The following MKKS variants were observed in gnomAD, a reference collection of about 807,000 sequenced individuals.
MKKS encodes MKKS centrosomal shuttling protein, also known as molecular chaperone MKKS.
A neutral mutation model predicts 33.2 loss-of-function variants in MKKS; 29 were observed. The observed-to-expected ratio is 0.87, with a 90% CI of 0.65 to 1.19. MKKS has a LOEUF of 1.19. MKKS is among the 50% of genes most tolerant of loss of function. The probability of loss-of-function intolerance (pLI) is 0.00; values close to 1 mark genes in which losing one functional copy is unlikely to be tolerated. For missense variants in MKKS, 661 were observed against 662.3 expected (o/e 1.00, Z 0.02); for synonymous variants, 260 against 244.0 (o/e 1.07, Z -0.61).
chr20:10,427,588 T>C (rs553877553), intron 1 of MKKS, among the ~76,000 whole-genome samples: 13 of 152,354 alleles, frequency 8.5e-5, no homozygotes, highest in African/African-American at 3.1e-4. Flanking sequence ...TTTTTTATCC[T>C]CAATTTTTAA....
In MKKS at chr20:10,403,786, T is replaced by G. The variant is rs1051966877; in HGVS notation, c.*1461A>C. 6.6e-6 allele frequency: 1 copy of G among 152,228 alleles called. No homozygotes were observed. The highest frequency in any genetic ancestry group is 2.4e-5 in the African/African-American group (1 of 41,460). 9.4% of individuals were successfully genotyped at this position (152,228 alleles called of 1,614,324 possible). ...CCACCTTAGAGGCTGCCTACCACAC[T>G]GCCCTTCTATTTGATTGTAATAATA... is the stretch of plus-strand genomic sequence containing the variant. On this transcript the variant is annotated 3_prime_UTR_variant, in exon 6 of 6. Transcript: ENST00000347364.
At chr20:10,416,108 C>T (rs540647741) in intron 2 of MKKS, among the ~76,000 whole-genome samples, 48 of 152,282 alleles carry the variant, frequency 3.2e-4, no homozygotes, top group South Asian at 8.3e-4. Context: ...TACCATTAGA[C>T]GAATGGTCCT....
chr20:10,431,052 A>T (rs137899303), intron 1 of MKKS, among the ~76,000 whole-genome samples: 1 of 152,338 alleles, frequency 6.6e-6, no homozygotes, highest in East Asian at 1.9e-4. Flanking sequence ...CACATTATGA[A>T]GAGAACTATA....
At chr20:10,418,609 T>A (rs76784027) in intron 2 of MKKS, among the ~76,000 whole-genome samples, 6,119 of 152,184 alleles carry the variant, frequency 0.04, 401 homozygotes, top group African/African-American at 0.14. Context: ...TGCACTGGCA[T>A]CTAAAATCTC....
At chr20:10,432,709 T>C (rs909363663) in intron 1 of MKKS, among the ~76,000 whole-genome samples, 5 of 148,074 alleles carry the variant, frequency 3.4e-5, no homozygotes, top group African/African-American at 5.0e-5. Flanking sequence ...GCAGGGAGAA[T>C]TGCTTGAACC....
intron 3 of MKKS, among the ~76,000 whole-genome samples, chr20:10,411,764 G>A (rs2064889400): frequency 6.6e-6 from 1 of 152,196 alleles, no homozygotes; most frequent in African/African-American, 2.4e-5. Flanking sequence ...CTTTCTGATA[G>A]ATTGTCAAAG....
intron 1 of MKKS, among the ~76,000 whole-genome samples, chr20:10,432,985 C>T (rs2065064887): frequency 6.6e-6 from 1 of 152,072 alleles, no homozygotes; most frequent in African/African-American, 2.4e-5. Context: ...CAGATGTAAC[C>T]ATCTTTTTTC....
intron 1 of MKKS, among the ~76,000 whole-genome samples, chr20:10,432,789 C>CAAAAAAAAA (rs71184200): frequency 1.6e-4 from 12 of 74,580 alleles, no homozygotes; most frequent in Non-Finnish European, 2.2e-4. Flanking sequence ...GACTCTTTGT[C>CAAAAAAAAA]AAAAAAAAAA....
chr20:10,419,162 A>G (rs998178232), intron 2 of MKKS, among the ~76,000 whole-genome samples: 1 of 152,170 alleles, frequency 6.6e-6, no homozygotes, highest in Non-Finnish European at 1.5e-5. Flanking sequence ...TTCCATAAAG[A>G]GCAGAACCTT....
chr20:10,432,789 CAAAAAAA>C lies in MKKS; in HGVS notation c.-649+1312_-649+1318del, dbSNP rs71184200. On this transcript the variant is annotated intron_variant, in intron 1 of 5. Transcript: ENST00000347364. ...TGCGCGACAGAGCGAGACTCTTTGT[CAAAAAAA>C]AAAAAAAAAAAAAAAAAAATCGTGT... Among the ~76,000 whole-genome samples, 396 of 74,590 alleles carry C rather than the reference CAAAAAAA, an allele frequency of 5.3e-3. 6 individuals are homozygous for C. Among genetic ancestry groups the C allele is most frequent in the African/African-American group, 0.013 (273 of 20,730 alleles). 48.9% of individuals were successfully genotyped at this position (74,590 alleles called of 152,430 possible).
chr20:10,431,115 G>A (rs985350638), intron 1 of MKKS, among the ~76,000 whole-genome samples: 1 of 152,116 alleles, frequency 6.6e-6, no homozygotes, highest in Non-Finnish European at 1.5e-5. Flanking sequence ...TCAATACACG[G>A]CAGCCATTAC....
At chr20:10,427,053 C>T (rs1174605907) in intron 1 of MKKS, among the ~76,000 whole-genome samples, 2 of 138,726 alleles carry the variant, frequency 1.4e-5, no homozygotes, top group Non-Finnish European at 3.3e-5. Context: ...CACACACACA[C>T]ACACACACAC....
At chr20:10,420,184 AG>A (rs1371650633) in intron 2 of MKKS, among the ~76,000 whole-genome samples, 7 of 152,174 alleles carry the variant, frequency 4.6e-5, no homozygotes, top group African/African-American at 2.4e-5. Flanking sequence ...TAAAAAAAAA[AG>A]AACACTAATA....
rs2064931020 is a variant in MKKS at position 10,415,440 on chromosome 20, A to G, written c.-417-1509T>C. On this transcript the variant is annotated intron_variant, in intron 2 of 5. Coordinates refer to ENST00000347364, the MANE Select transcript of MKKS (RefSeq NM_170784.3). The stretch of plus-strand genomic sequence containing the variant: ...TGGTTACCATTCCCAATTTAGCTAA[A>G]GGGCTGTAACCATGGCAACTGGGCC... Among the ~76,000 whole-genome samples, 4 of 152,210 alleles carry G rather than the reference A, an allele frequency of 2.6e-5. No individual in the cohort carries two copies. In the South Asian group the frequency reaches 8.3e-4, roughly 32 times the overall value.
chr20:10,431,427 A>G (rs1400850595), intron 1 of MKKS, among the ~76,000 whole-genome samples: 1 of 152,136 alleles, frequency 6.6e-6, no homozygotes, highest in Non-Finnish European at 1.5e-5. Context: ...GGAACTACCA[A>G]GAAGAGTAAG....
intron 3 of MKKS, among the ~76,000 whole-genome samples, chr20:10,410,202 G>A (rs1043472123): frequency 2.6e-5 from 4 of 152,092 alleles, no homozygotes; most frequent in African/African-American, 9.7e-5. Context: ...TTCTGCATGA[G>A]AAGGCCGGCT....
At chr20:10,433,557 G>A (rs111785272) in intron 1 of MKKS, among the ~76,000 whole-genome samples, 7 of 152,322 alleles carry the variant, frequency 4.6e-5, no homozygotes, top group African/African-American at 1.7e-4. Flanking sequence ...ATTTGGGTAT[G>A]GTCTTATCGG....
chr20:10,428,778 A>T (rs1052501507), intron 1 of MKKS, among the ~76,000 whole-genome samples: 3 of 152,188 alleles, frequency 2.0e-5, no homozygotes, highest in African/African-American at 7.2e-5. Context: ...GGCAGAGGTT[A>T]CATTACAGTG....
chr20:10,432,827 T>G (rs1243891391), intron 1 of MKKS, among the ~76,000 whole-genome samples: 1 of 149,698 alleles, frequency 6.7e-6, no homozygotes, highest in African/African-American at 2.4e-5. Flanking sequence ...CGTGTAGTTT[T>G]GTACACAACT....
Sources: allele counts gnomAD v4.1 joint callset (sites outside exome capture counted in the v4.1 genomes callset), GRCh38; gene constraint gnomAD v4.1.1; transcripts MANE v1.5; gene names NCBI Gene and HGNC (gene_info 2026-07-23, HGNC 2026-07-21).